The following PRH1 variants were observed in gnomAD, a reference collection of about 807,000 sequenced individuals.
The protein encoded by PRH1 is salivary acidic proline-rich phosphoprotein 1/2.
A neutral mutation model predicts 7.9 loss-of-function variants in PRH1; 7 were observed. The observed-to-expected ratio is 0.89, with a 90% CI of 0.50 to 1.67. The LOEUF (loss-of-function observed/expected upper bound fraction) is 1.67. Ranked by LOEUF, PRH1 falls within the 40% of genes most tolerant of loss-of-function variation. The pLI, the probability that PRH1 is intolerant of heterozygous loss-of-function variation, is 0.00. For missense variants in PRH1, 109 were observed against 223.6 expected, an observed-to-expected ratio of 0.49 and a Z score of 3.27; for synonymous variants, 45 against 80.8, an observed-to-expected ratio of 0.56 and a Z score of 2.38.
chr12:10,895,555 G>C (rs1303402928), intron 2 of PRH1: 4 of 152,164 alleles, frequency 2.6e-5, no homozygotes, highest in Non-Finnish European at 5.9e-5. Flanking sequence ...TGGCTACCTT[G>C]AGGAAATAGA....
chr12:10,935,170 T>TAC (rs1008995788), intron 2 of PRH1, among the ~76,000 whole-genome samples: 1 of 152,162 alleles, frequency 6.6e-6, no homozygotes, highest in Admixed American at 6.6e-5. Flanking sequence ...AGTTCCCGTA[T>TAC]ACACACACTT....
intron 2 of PRH1, among the ~76,000 whole-genome samples, chr12:10,950,516 T>C (rs1950554522): frequency 6.6e-6 from 1 of 151,842 alleles, no homozygotes; most frequent in Admixed American, 6.6e-5. Flanking sequence ...TCTACGACTC[T>C]GATTTCATAT....
intron 2 of PRH1, among the ~76,000 whole-genome samples, chr12:10,935,301 GCTTC>G (rs1297774342): frequency 6.6e-6 from 1 of 151,944 alleles, no homozygotes; most frequent in Non-Finnish European, 1.5e-5. Context: ...ATTAATTCTT[GCTTC>G]CTTCATTAAT....
intron 2 of PRH1, among the ~76,000 whole-genome samples, chr12:10,925,124 C>G (rs1163687360): frequency 6.6e-6 from 1 of 152,202 alleles, no homozygotes; most frequent in Admixed American, 6.5e-5. Context: ...TCTGACTCCC[C>G]TCTCCACTGC....
chr12:11,091,113 CACAT>C lies in PRH1; in HGVS notation n.124-43929_124-43926del, dbSNP rs1944869597. 3.5e-4 allele frequency among the ~76,000 whole-genome samples: 2 copies of C among 5,664 alleles called. 1 individual carries two copies. The highest frequency in any genetic ancestry group is 5.2e-4 in the African/African-American group (2 of 3,844). The allele number at this position is 5,664 out of a possible 152,430, so 3.7% of individuals were successfully genotyped here. ...ATACACAAATACACACACACACACA[CACAT>C]ATATATATATATATATATATATATA... On this transcript the variant is annotated intron_variant and non_coding_transcript_variant, in intron 1 of 4. Coordinates refer to the PRH1 transcript ENST00000541977.
chr12:10,995,737 A>C lies in PRH1; in HGVS notation c.-125-22016T>G, dbSNP rs536344259. ...GCTTAGACAAAAAACTGAAATATATAACATCAGATCTCAACTTCAAAAAGG... is the reference window on the plus strand; with the variant it reads ...GCTTAGACAAAAAACTGAAATATATCACATCAGATCTCAACTTCAAAAAGG... On this transcript the variant is annotated intron_variant, in intron 1 of 3. Transcript: ENST00000539853. Among the ~76,000 whole-genome samples, 32 of 152,278 alleles carry C rather than the reference A, an allele frequency of 2.1e-4. No individual in the cohort carries two copies. The South Asian group carries it at 6.4e-3, about 31-fold the overall frequency.
In PRH1 at chr12:11,082,135, T is replaced by C. The variant is rs1380571201; in HGVS notation, n.124-34947A>G. On this transcript the variant is annotated intron_variant and non_coding_transcript_variant, in intron 1 of 4. Coordinates refer to the PRH1 transcript ENST00000541977. ...GCAGACATTAACCAAATTATGTATG[T>C]AAATATTTCAAAAATAAATCATTTA... Among the ~76,000 whole-genome samples the C allele has an allele frequency of 1.7e-5, 2 of 115,340 alleles. 1 individual carries two copies. The highest frequency in any genetic ancestry group is 4.1e-5 in the Non-Finnish European group (2 of 48,644). 75.7% of individuals were successfully genotyped at this position (115,340 alleles called of 152,430 possible).
rs183726784 is a variant in PRH1 at position 10,988,502 on chromosome 12, A to C, written c.-125-14781T>G. 4.3e-3 allele frequency among the ~76,000 whole-genome samples: 660 copies of C among 152,278 alleles called. 9 individuals are homozygous for C. The highest frequency in any genetic ancestry group is 0.015 in the African/African-American group (637 of 41,524). The stretch of plus-strand genomic sequence containing the variant: ...ACTTCAACTCTCTAAGAGTTGTATA[A>C]AAATGTGTATAAATGGTGAATTTTT... On this transcript the variant is annotated intron_variant, in intron 1 of 3. Transcript: ENST00000539853.
rs746710545 is a variant in PRH1, at chr12:10,938,384, C to A, written c.-59+35271G>T. The A allele has an allele frequency of 1.5e-5, 25 of 1,613,906 alleles. No individual in the cohort carries two copies. The South Asian group carries it at 2.6e-4, about 17-fold the overall frequency. On this transcript the variant is annotated intron_variant, in intron 2 of 3. Coordinates refer to the PRH1 transcript ENST00000539853. ...TCCAAGAATCAGAACACATGAGTGA[C>A]ATGAAGGATAAGCCATTCCCATCAC... is the stretch of plus-strand genomic sequence containing the variant.
intron 1 of PRH1, among the ~76,000 whole-genome samples, chr12:11,016,617 G>A (rs1044913075): frequency 5.6e-5 from 8 of 143,778 alleles, no homozygotes; most frequent in East Asian, 2.1e-4. Context: ...CGGGGACTGC[G>A]GGCATGAGCC....
intron 1 of PRH1, among the ~76,000 whole-genome samples, chr12:11,020,965 T>C (rs1941590771): frequency 1.3e-5 from 2 of 152,198 alleles, no homozygotes; most frequent in Admixed American, 1.3e-4. Context: ...ATAACAGCAC[T>C]GAAATGATCA....
At chr12:11,050,431 T>C (rs71453410), upstream of PRH1, among the ~76,000 whole-genome samples, 32,223 of 152,126 alleles carry the variant, frequency 0.21, 4,011 homozygotes, top group Non-Finnish European at 0.27. Flanking sequence ...CTGCCCTGGG[T>C]GGGCCAGGTG....
intron 1 of PRH1, among the ~76,000 whole-genome samples, chr12:11,010,802 G>T: frequency 7.1e-6 from 1 of 140,094 alleles, no homozygotes; most frequent in Non-Finnish European, 1.6e-5. Context: ...AAATTATGTT[G>T]CTTTTTAATT....
intron 2 of PRH1, among the ~76,000 whole-genome samples, chr12:10,940,820 G>A (rs926526681): frequency 6.6e-6 from 1 of 152,204 alleles, no homozygotes; most frequent in Non-Finnish European, 1.5e-5. Context: ...AAACGTCAAA[G>A]ATGGCAGAGA....
chr12:10,919,703 A>G (rs11054075), intron 2 of PRH1, among the ~76,000 whole-genome samples: 73,703 of 151,546 alleles, frequency 0.49, 20,528 homozygotes, highest in East Asian at 0.72. Flanking sequence ...CTAATGCCAA[A>G]TCTATCACGT....
intron 1 of PRH1, among the ~76,000 whole-genome samples, chr12:11,010,292 G>A (rs1941008933): frequency 6.6e-6 from 1 of 151,900 alleles, no homozygotes; most frequent in African/African-American, 2.4e-5. Flanking sequence ...AATGAGATAG[G>A]TGTAGATGAT....
chr12:11,160,675 T>C (rs914907717), intron 1 of PRH1, among the ~76,000 whole-genome samples: 40 of 152,116 alleles, frequency 2.6e-4, no homozygotes, highest in Admixed American at 2.4e-3. Context: ...TTCACCATAT[T>C]GGCCAGGCAG....
intron 1 of PRH1, among the ~76,000 whole-genome samples, chr12:11,138,421 T>C (rs955716214): frequency 6.6e-6 from 1 of 152,140 alleles, no homozygotes; most frequent in African/African-American, 2.4e-5. Flanking sequence ...AAAAAATATA[T>C]AGTAACAAAA....
intron 1 of PRH1, among the ~76,000 whole-genome samples, chr12:11,121,511 A>G (rs1303284494): frequency 6.6e-6 from 1 of 152,250 alleles, no homozygotes; most frequent in African/African-American, 2.4e-5. Context: ...TCAACTTCAA[A>G]AAAGGCTTTC....
Sources: gnomAD v4.1 joint callset for allele counts (sites outside exome capture counted in the v4.1 genomes callset) on GRCh38, gnomAD v4.1.1 for gene constraint, MANE v1.5 for transcripts, NCBI Gene and HGNC (gene_info 2026-07-23, HGNC 2026-07-21) for gene names.